NXN: variants seen among roughly 807,000 people sequenced by gnomAD.
NXN encodes the protein nucleoredoxin, also known as nucleoredoxin 1.
In NXN, 16 loss-of-function variants were observed where a neutral mutation model predicts 48.6. The ratio of observed to expected loss-of-function variants is 0.33; its 90% CI spans 0.22 to 0.50. The LOEUF is 0.50. Ranked by LOEUF, NXN falls within the 20% of genes least tolerant of loss-of-function variation. NXN has a pLI of 0.98. For synonymous variants in NXN, 281 were observed against 269.6 expected (o/e 1.04, Z -0.41); for missense variants, 492 against 605.5 (o/e 0.81, Z 1.97).
intron 1 of NXN, among the ~76,000 whole-genome samples, chr17:953,350 G>A (rs949775367): frequency 1.3e-5 from 2 of 152,122 alleles, no homozygotes; most frequent in Non-Finnish European, 2.9e-5. Flanking sequence ...AGGAGGCGGA[G>A]GTTGCAGTGA....
At chr17:899,533 G>A (rs2068518314) in intron 1 of NXN, among the ~76,000 whole-genome samples, 1 of 152,188 alleles carries the variant, frequency 6.6e-6, no homozygotes, top group African/African-American at 2.4e-5. Context: ...CCCGCAAGGA[G>A]ATTTAGCTCC....
intron 1 of NXN, among the ~76,000 whole-genome samples, chr17:953,181 G>A (rs7218734): frequency 0.043 from 6,533 of 152,164 alleles, 422 homozygotes; most frequent in African/African-American, 0.15. Context: ...TTGGGAGGCC[G>A]AGGCGGGCGG....
chr17:812,863 TG>T (rs1567812917), intron 5 of NXN, among the ~76,000 whole-genome samples: 5 of 76,306 alleles, frequency 6.6e-5, no homozygotes, highest in Non-Finnish European at 1.4e-4. Flanking sequence ...TGTGTGTAGG[TG>T]TGTGTGGGTG....
In NXN at chr17:811,792, C is replaced by G. The variant is rs978367184; in HGVS notation, c.821-6545G>C. 3.3e-5 allele frequency among the ~76,000 whole-genome samples: 5 copies of G among 152,300 alleles called. No individual in the cohort carries two copies. The South Asian group carries it at 8.3e-4, about 25-fold the overall frequency. Reference sequence around the variant, plus strand: ...CACAGCCTCGAGGCCCCGACTCCCCCACCCGTACCGCCCCCCAGACACCTC... The same window carrying G: ...CACAGCCTCGAGGCCCCGACTCCCCGACCCGTACCGCCCCCCAGACACCTC... On this transcript the variant is annotated intron_variant, in intron 5 of 7. Transcript: ENST00000336868.
At chr17:847,936 A>C (rs888222179) in intron 1 of NXN, among the ~76,000 whole-genome samples, 16 of 152,288 alleles carry the variant, frequency 1.1e-4, no homozygotes, top group African/African-American at 3.4e-4. Flanking sequence ...AATACAGAAC[A>C]AAGTATCACG....
chr17:856,449 G>C (rs938055672), intron 1 of NXN, among the ~76,000 whole-genome samples: 1 of 151,606 alleles, frequency 6.6e-6, no homozygotes, highest in Non-Finnish European at 1.5e-5. Flanking sequence ...GGAGTCTGTG[G>C]ATAAAGTAGG....
rs1294378672 is a variant in NXN, at chr17:803,763, A to G, written c.1044T>C (p.Ile348=). The change falls in exon 7 of 8, where the codon ATT becomes ATC. Residue 348 remains isoleucine, a synonymous_variant. Transcript: ENST00000336868. ...DGESEAAKQL[I]QPIAEKIIAK... is the part of the protein sequence containing the mutation. ...CAATGATTTTCTCAGCTATCGGCTG[A>G]ATCAGCTGCTTGGCCGCCTCGGACT... is the stretch of plus-strand genomic sequence containing the variant. 3.1e-6 allele frequency: 5 copies of G among 1,614,234 alleles called. No individual in the cohort carries two copies. The highest frequency in any genetic ancestry group is 2.2e-5 in the East Asian group (1 of 44,884).
intron 6 of NXN, 119 bp from the exon 7 acceptor site, chr17:803,925 G>T: frequency 7.6e-7 from 1 of 1,322,216 alleles, no homozygotes. Flanking sequence ...GCCCCTGAAC[G>T]GAAATGAACT....
rs1320128386 is a variant in NXN, at chr17:836,166, G to A, written c.361-10088C>T. On this transcript the variant is annotated intron_variant, in intron 1 of 7. Transcript: ENST00000336868. ...GGATTCATCAGCCCCCACAGAGGCC[G>A]CAGGGAAATGCAGCCTGGTGATTTC... 5.3e-5 allele frequency among the ~76,000 whole-genome samples: 8 copies of A among 151,850 alleles called. 1 individual carries two copies. In the South Asian group the frequency reaches 8.3e-4, roughly 16 times the overall value.
In NXN at chr17:819,509, C is replaced by A. The variant is rs757615057; in HGVS notation, c.750G>T (p.Met250Ile). ...EESFKQYFSE[M>I]PWLAVPYTDE... ...CCGTGTAGGGGACGGCGAGCCAGGG[C>A]ATCTCACTGAAGTACTGTTTGAAGG... is the stretch of plus-strand genomic sequence containing the variant. Residue 250 changes from methionine to isoleucine, a missense_variant, in exon 5 of 8, where the codon ATG (methionine) becomes ATT (isoleucine). Met to Ile is a conservative substitution (Grantham distance 10). This residue lies in a region of NXN where 303 missense variants were observed against 388.3 expected (regional missense o/e 0.78). Coordinates refer to ENST00000336868, the MANE Select transcript of NXN (RefSeq NM_022463.5). 1 of 1,612,518 alleles carries A rather than the reference C, an allele frequency of 6.2e-7. No homozygotes were observed. The highest frequency in any genetic ancestry group is 1.1e-5 in the South Asian group (1 of 90,904).
chr17:853,723 A>ATATATATATATATATATATATTTT (rs1491528474), intron 1 of NXN, among the ~76,000 whole-genome samples: 2 of 106,000 alleles, frequency 1.9e-5, no homozygotes, highest in African/African-American at 4.3e-5. Context: ...ATATATATAT[A>ATATATATATATATATATATATTTT]TTTTTTTTTT....
chr17:854,558 G>A (rs563432424), intron 1 of NXN, among the ~76,000 whole-genome samples: 4 of 151,846 alleles, frequency 2.6e-5, no homozygotes, highest in Non-Finnish European at 5.9e-5. Context: ...GGGAGGCTGA[G>A]GCAGGAGAAT....
At chr17:882,566 C>T (rs946711126) in intron 1 of NXN, among the ~76,000 whole-genome samples, 2 of 150,034 alleles carry the variant, frequency 1.3e-5, no homozygotes, top group Non-Finnish European at 3.0e-5. Flanking sequence ...CCCGGGTTCA[C>T]GCCATTCTCC....
chr17:884,955 G>T (rs1385016986), intron 1 of NXN, among the ~76,000 whole-genome samples: 1 of 152,204 alleles, frequency 6.6e-6, no homozygotes, highest in Non-Finnish European at 1.5e-5. Context: ...ACAGGAGAAT[G>T]ACCAAGGTGT....
At chr17:818,184 C>T (rs1402277434) in intron 5 of NXN, among the ~76,000 whole-genome samples, 1 of 151,914 alleles carries the variant, frequency 6.6e-6, no homozygotes, top group Non-Finnish European at 1.5e-5. Context: ...TGGCTTGAGC[C>T]CTGGAGGCAG....
Position 919,686 on chromosome 17 carries a change from C to A in NXN, c.360+59633G>T, listed in dbSNP as rs2068725705. On this transcript the variant is annotated intron_variant, in intron 1 of 7. Transcript: ENST00000336868. The surrounding 1 kb of genome is among the most constrained non-coding windows in gnomAD (Gnocchi z 5.1). ...GAGACAGAGACAACACCAATCAGCC[C>A]TTACCAGGCAGTGCGTGGCTCCAGA... 6.6e-6 allele frequency among the ~76,000 whole-genome samples: 1 copy of A among 152,154 alleles called. No individual in the cohort carries two copies.
chr17:865,346 G>A (rs1043221670), intron 1 of NXN, among the ~76,000 whole-genome samples: 2 of 151,934 alleles, frequency 1.3e-5, no homozygotes, highest in Non-Finnish European at 2.9e-5. Context: ...GGATTCAAGT[G>A]ATTCTCCTGC....
In NXN at chr17:872,597, T is replaced by C. The variant is rs915260576; in HGVS notation, c.361-46519A>G. The stretch of plus-strand genomic sequence containing the variant: ...ATGATCCTGAGTGTGTCTGTGACTA[T>C]GTTTCCGGGTGAGATCTTTTTTTTT... On this transcript the variant is annotated intron_variant, in intron 1 of 7. Coordinates refer to ENST00000336868, the MANE Select transcript of NXN (RefSeq NM_022463.5). Among the ~76,000 whole-genome samples, 4 of 151,044 alleles carry C rather than the reference T, an allele frequency of 2.6e-5. No homozygotes were observed. The East Asian group carries it at 5.8e-4, about 22-fold the overall frequency.
chr17:825,711 C>T lies in NXN; in HGVS notation c.478+250G>A, dbSNP rs143727327. The T allele has an allele frequency of 3.2e-5, 13 of 412,484 alleles. No homozygotes were observed. Among genetic ancestry groups the T allele is most frequent in the African/African-American group, 1.0e-4 (5 of 48,122 alleles). The allele number at this position is 412,484 out of a possible 1,614,324, so 25.6% of individuals were successfully genotyped here. ...GCGGCCCTCCAAGCGGAGCTTCTTACGGCAGAGTCCATCTCTTTTGGCCCA... is the reference window on the plus strand; with the variant it reads ...GCGGCCCTCCAAGCGGAGCTTCTTATGGCAGAGTCCATCTCTTTTGGCCCA... On this transcript the variant is annotated intron_variant, in intron 2 of 7. Transcript: ENST00000336868. This position sits in a 1 kb window ranked among gnomAD's most constrained non-coding sequence, Gnocchi z 4.1.
Sources: gnomAD v4.1 joint callset for allele counts (sites outside exome capture counted in the v4.1 genomes callset) on GRCh38, gnomAD v4.1.1 for gene constraint, gnomAD v4.1.1 regional missense constraint, Gnocchi (gnomAD v3.1) non-coding constraint, MANE v1.5 for transcripts, NCBI Gene and HGNC (gene_info 2026-07-23, HGNC 2026-07-21) for gene names.